UPRT: variants seen among roughly 807,000 people sequenced by gnomAD.
The protein encoded by UPRT is RP11-311P8.3.
In UPRT, 5 loss-of-function variants were observed where a neutral mutation model predicts 22.6. The ratio of observed to expected loss-of-function variants is 0.22; its 90% CI spans 0.12 to 0.47. The LOEUF (loss-of-function observed/expected upper bound fraction) is 0.47. UPRT is among the 20% of genes least tolerant of loss of function. The probability of loss-of-function intolerance (pLI) is 0.99; values close to 1 mark genes in which losing one functional copy is unlikely to be tolerated. For missense variants in UPRT, 181 were observed against 239.9 expected, an observed-to-expected ratio of 0.75 and a Z score of 1.62; for synonymous variants, 77 against 87.7, an observed-to-expected ratio of 0.88 and a Z score of 0.68.
intron 4 of UPRT, among the ~76,000 whole-genome samples, chrX:75,229,591 A>C (rs937129191): frequency 9.8e-5 from 11 of 111,914 alleles, no homozygotes; most frequent in Non-Finnish European, 2.1e-4. Flanking sequence ...ATCCATCCCT[A>C]CTGGGGAACC....
chrX:75,301,590 G>T (rs898108906), intron 6 of UPRT, among the ~76,000 whole-genome samples: 1 of 111,591 alleles, frequency 9.0e-6, no homozygotes, highest in African/African-American at 3.3e-5. Context: ...GTATACAAAT[G>T]ACTCACAATA....
At chrX:75,248,892 G>A (rs1253915787) in intron 4 of UPRT, among the ~76,000 whole-genome samples, 1 of 111,979 alleles carries the variant, frequency 8.9e-6, no homozygotes, top group African/African-American at 3.2e-5. Context: ...AGAAGAGAGT[G>A]GGGGCTAATA....
At position 75,274,228 on chromosome X, in the gene UPRT, C is replaced by T; in HGVS notation, c.-27C>T. 2.5e-6 allele frequency: 3 copies of T among 1,180,968 alleles called. No individual in the cohort carries two copies. The highest frequency in any genetic ancestry group is 3.4e-6 in the Non-Finnish European group (3 of 878,052). On this transcript the variant is annotated 5_prime_UTR_variant, in exon 1 of 7. Coordinates refer to ENST00000373383, the MANE Select transcript of UPRT (RefSeq NM_145052.4). Reference sequence around the variant, plus strand: ...CCTCTTTATCTTTAGTGTTCAGTAGCAGCGGGGATAGCCCGGGGCCCGGTG... The same window carrying T: ...CCTCTTTATCTTTAGTGTTCAGTAGTAGCGGGGATAGCCCGGGGCCCGGTG...
chrX:75,280,563 C>T lies in UPRT; in HGVS notation c.386+5923C>T, dbSNP rs765003097. Among the ~76,000 whole-genome samples, 74 of 111,464 alleles carry T rather than the reference C, an allele frequency of 6.6e-4. 1 individual carries two copies. The highest frequency in any genetic ancestry group is 1.0e-3 in the Non-Finnish European group (55 of 52,975). ...CACTTCATATTTTTGTTTGCTTTGT[C>T]GAAGATCAGTTGGCTATAAGTATTT... On this transcript the variant is annotated intron_variant, in intron 1 of 6. Transcript: ENST00000373383.
intron 4 of UPRT, among the ~76,000 whole-genome samples, chrX:75,179,246 C>G (rs1304440824): frequency 1.8e-5 from 2 of 110,641 alleles, no homozygotes; most frequent in Admixed American, 9.5e-5. Flanking sequence ...GAGCTAAACA[C>G]AGGGTGCTGA....
At chrX:75,264,040 C>G (rs1412088510) in intron 4 of UPRT, among the ~76,000 whole-genome samples, 2 of 111,643 alleles carry the variant, frequency 1.8e-5, no homozygotes, top group Non-Finnish European at 3.8e-5. Context: ...GAGTGAGTTT[C>G]TTAATCCTGA....
At position 75,287,930 on chromosome X, in the gene UPRT, A is replaced by G. The variant is rs144999059; in HGVS notation, c.387-5542A>G. Among the ~76,000 whole-genome samples, 42 of 111,398 alleles carry G rather than the reference A, an allele frequency of 3.8e-4. No homozygotes were observed. The East Asian group carries it at 0.011, about 29-fold the overall frequency. ...AAACAAAATCGATAGACCATTAGCT[A>G]GATTAACAAAGGAAAAAAAGGGAGA... On this transcript the variant is annotated intron_variant, in intron 1 of 6. Coordinates refer to ENST00000373383, the MANE Select transcript of UPRT (RefSeq NM_145052.4).
At chrX:75,283,361 C>G (rs1421572199) in intron 1 of UPRT, among the ~76,000 whole-genome samples, 1 of 109,676 alleles carries the variant, frequency 9.1e-6, no homozygotes, top group East Asian at 2.9e-4. Context: ...TTAGTTTTGG[C>G]CTTTTACCTG....
At chrX:75,220,684 G>C (rs2082407037) in intron 4 of UPRT, among the ~76,000 whole-genome samples, 2 of 111,641 alleles carry the variant, frequency 1.8e-5, no homozygotes, top group Non-Finnish European at 3.8e-5. Context: ...TAAATGAGAA[G>C]CAATGAAAAA....
chrX:75,235,088 A>G (rs2082456169), intron 4 of UPRT, among the ~76,000 whole-genome samples: 1 of 112,119 alleles, frequency 8.9e-6, no homozygotes, highest in African/African-American at 3.3e-5. Flanking sequence ...GATGCAAAAA[A>G]AATGATAAAG....
At chrX:75,288,132 A>G (rs1337925792) in intron 1 of UPRT, among the ~76,000 whole-genome samples, 1 of 111,501 alleles carries the variant, frequency 9.0e-6, no homozygotes, top group Non-Finnish European at 1.9e-5. Context: ...TTAGGAAGCA[A>G]TTGAAACCCT....
intron 4 of UPRT, among the ~76,000 whole-genome samples, chrX:75,240,651 G>A (rs1489310237): frequency 9.0e-6 from 1 of 111,580 alleles, no homozygotes; most frequent in Admixed American, 9.6e-5. Flanking sequence ...AACAAATCTG[G>A]AGGTATCACA....
rs772650888 is a variant in UPRT, at chrX:75,245,382, G to T, written c.-446-45642G>T. ...TTCAGCCATTGTGGAAAGCAGTTTGGTGAGTTCTCGAATAAGTCAAAGAAC... is the reference window on the plus strand; with the variant it reads ...TTCAGCCATTGTGGAAAGCAGTTTGTTGAGTTCTCGAATAAGTCAAAGAAC... On this transcript the variant is annotated intron_variant, in intron 4 of 13. Coordinates refer to the UPRT transcript ENST00000652605. Among the ~76,000 whole-genome samples the T allele has an allele frequency of 1.5e-3, 167 of 111,647 alleles. 1 individual carries two copies. The highest frequency in any genetic ancestry group is 5.8e-4 in the Non-Finnish European group (31 of 53,091).
intron 4 of UPRT, 134 bp downstream of exon 4, chrX:75,297,687 C>A (rs1309560062): frequency 2.8e-6 from 2 of 713,921 alleles, no homozygotes; most frequent in Non-Finnish European, 4.3e-6. Context: ...TGTTATCTAG[C>A]CTCATGGTGC....
intron 4 of UPRT, among the ~76,000 whole-genome samples, chrX:75,190,017 A>G (rs2082309186): frequency 8.9e-6 from 1 of 111,799 alleles, no homozygotes; most frequent in African/African-American, 3.3e-5. Flanking sequence ...GGATCCTGTC[A>G]TTGTGATGTT....
chrX:75,217,384 A>G (rs1259004670), intron 4 of UPRT, among the ~76,000 whole-genome samples: 1 of 111,218 alleles, frequency 9.0e-6, no homozygotes, highest in South Asian at 3.9e-4. Flanking sequence ...GAATCTACAA[A>G]TTACCTTGGG....
intron 1 of UPRT, among the ~76,000 whole-genome samples, chrX:75,277,772 A>T (rs902797861): frequency 1.8e-5 from 2 of 111,851 alleles, no homozygotes; most frequent in African/African-American, 6.5e-5. Flanking sequence ...GATAATTTTT[A>T]TCTTGTTTTG....
At chrX:75,300,553 G>A (rs900812826) in intron 5 of UPRT, among the ~76,000 whole-genome samples, 6 of 111,756 alleles carry the variant, frequency 5.4e-5, no homozygotes, top group Non-Finnish European at 9.4e-5. Flanking sequence ...TTGGGAGGTC[G>A]AGGTGGAAGG....
intron 4 of UPRT, among the ~76,000 whole-genome samples, chrX:75,169,835 T>C (rs1441576425): frequency 9.0e-6 from 1 of 111,567 alleles, no homozygotes; most frequent in Non-Finnish European, 1.9e-5. Flanking sequence ...TTGTTGACTT[T>C]CTGTCTTGAT....
Sources: gnomAD v4.1 joint callset for allele counts (sites outside exome capture counted in the v4.1 genomes callset) on GRCh38, gnomAD v4.1.1 for gene constraint, MANE v1.5 for transcripts, NCBI Gene and HGNC (gene_info 2026-07-23, HGNC 2026-07-21) for gene names.